The following IGFL2 variants were observed in gnomAD, a reference collection of about 807,000 sequenced individuals.
IGFL2 encodes the protein IGF like family member 2.
Under a neutral mutation model 13.9 loss-of-function variants are expected in IGFL2, and 7 were observed. The observed-to-expected ratio is 0.51, with a 90% confidence interval of 0.29 to 0.95. The LOEUF is 0.95. IGFL2 is among the 40% of genes least tolerant of loss of function. The pLI, the probability that IGFL2 is intolerant of heterozygous loss-of-function variation, is 0.08. For synonymous variants in IGFL2, 55 were observed against 55.8 expected (o/e 0.99, Z 0.07); for missense variants, 138 against 147.8 (o/e 0.93, Z 0.34).
chr19:46,145,687 T>G (rs1404121775), upstream of IGFL2, among the ~76,000 whole-genome samples: 1 of 151,820 alleles, frequency 6.6e-6, no homozygotes, highest in Non-Finnish European at 1.5e-5. Flanking sequence ...CCAATTCTAG[T>G]AGATGGGAGA....
At chr19:46,112,021 A>G in the IGFL2 span, 1 of 152,222 alleles carries the variant, frequency 6.6e-6, no homozygotes, top group Non-Finnish European at 1.5e-5. Flanking sequence ...GCTTCATTAA[A>G]TAGTCCTGCA....
the IGFL2 span, among the ~76,000 whole-genome samples, chr19:46,201,605 C>G: frequency 6.6e-6 from 1 of 152,164 alleles, no homozygotes; most frequent in East Asian, 1.9e-4. Flanking sequence ...ACATGGCCCG[C>G]TATTATGTCT....
the IGFL2 span, among the ~76,000 whole-genome samples, chr19:46,117,609 G>T: frequency 6.6e-6 from 1 of 152,088 alleles, no homozygotes; most frequent in East Asian, 1.9e-4. Flanking sequence ...CTCTCAAGTA[G>T]CTGGGACTAC....
At chr19:46,151,880 C>G (rs1973516317) in intron 1 of IGFL2, among the ~76,000 whole-genome samples, 1 of 152,162 alleles carries the variant, frequency 6.6e-6, no homozygotes, top group Non-Finnish European at 1.5e-5. Context: ...CCACTGCACT[C>G]CAGCCTGGGT....
At chr19:46,195,315 T>A in the IGFL2 span, among the ~76,000 whole-genome samples, 1 of 152,112 alleles carries the variant, frequency 6.6e-6, no homozygotes, top group African/African-American at 2.4e-5. Flanking sequence ...GTCCACCCAG[T>A]GGTGCCCTGT....
chr19:46,124,165 A>G, the IGFL2 span: 2 of 1,610,178 alleles, frequency 1.2e-6, no homozygotes, highest in East Asian at 4.5e-5. Context: ...GTCTGGGGGC[A>G]GACATTGATG....
At chr19:46,108,501 T>C in the IGFL2 span, among the ~76,000 whole-genome samples, 1 of 152,070 alleles carries the variant, frequency 6.6e-6, no homozygotes, top group Non-Finnish European at 1.5e-5. Flanking sequence ...AGGTTTTAAG[T>C]TCTTAAGAAC....
the IGFL2 span, among the ~76,000 whole-genome samples, chr19:46,104,911 G>A: frequency 6.6e-6 from 1 of 152,300 alleles, no homozygotes; most frequent in African/African-American, 2.4e-5. Flanking sequence ...AGAACCATTT[G>A]CCTTGTGTGA....
chr19:46,173,760 C>G, the IGFL2 span: 2 of 152,212 alleles, frequency 1.3e-5, no homozygotes, highest in Non-Finnish European at 2.9e-5. Flanking sequence ...TTGGAGGGGA[C>G]ACACATCCAA....
the IGFL2 span, chr19:46,124,751 G>A: frequency 5.0e-6 from 5 of 999,714 alleles, 1 homozygote; most frequent in African/African-American, 6.5e-5. Context: ...TAAGTTTACT[G>A]ATTGGATGGC....
chr19:46,097,505 A>C, the IGFL2 span, among the ~76,000 whole-genome samples: 1 of 151,698 alleles, frequency 6.6e-6, no homozygotes, highest in Non-Finnish European at 1.5e-5. Context: ...TTGTGTCTCT[A>C]TCTCCTTCAG....
chr19:46,210,574 C>T, the IGFL2 span, among the ~76,000 whole-genome samples: 2 of 152,120 alleles, frequency 1.3e-5, no homozygotes, highest in African/African-American at 2.4e-5. Flanking sequence ...AGCTGAAGAA[C>T]GTGGAGTCTG....
the IGFL2 span, among the ~76,000 whole-genome samples, chr19:46,100,256 G>A: frequency 1.3e-5 from 2 of 152,098 alleles, no homozygotes; most frequent in African/African-American, 4.8e-5. Context: ...ATATGAGTTT[G>A]TCTAGTTTCA....
At chr19:46,084,595 CT>C in the IGFL2 span, among the ~76,000 whole-genome samples, 2 of 152,212 alleles carry the variant, frequency 1.3e-5, no homozygotes, top group African/African-American at 4.8e-5. Flanking sequence ...ACATCTGCTT[CT>C]GAGGAGGCCT....
the IGFL2 span, chr19:46,124,448 G>C: frequency 1.7e-6 from 2 of 1,202,432 alleles, no homozygotes; most frequent in Non-Finnish European, 2.4e-6. Context: ...GGCTAAGTCT[G>C]TATGGGATCC....
At chr19:46,176,132 C>T in the IGFL2 span, among the ~76,000 whole-genome samples, 18 of 142,942 alleles carry the variant, frequency 1.3e-4, no homozygotes, top group Admixed American at 8.1e-4. Flanking sequence ...GGATTACAGG[C>T]GTGAGCCACC....
At chr19:46,205,987 T>G in the IGFL2 span, among the ~76,000 whole-genome samples, 4 of 152,202 alleles carry the variant, frequency 2.6e-5, no homozygotes, top group South Asian at 8.3e-4. Context: ...GCTGACAATA[T>G]CCAAAAATCT....
At chr19:46,191,639 T>C in the IGFL2 span, among the ~76,000 whole-genome samples, 1 of 152,082 alleles carries the variant, frequency 6.6e-6, no homozygotes, top group Non-Finnish European at 1.5e-5. Flanking sequence ...TTCTCTCTCC[T>C]TTTTTTCTCC....
At chr19:46,082,021 C>G in the IGFL2 span, among the ~76,000 whole-genome samples, 2,224 of 152,300 alleles carry the variant, frequency 0.015, 61 homozygotes, top group African/African-American at 0.05. Flanking sequence ...TCCTCACTTT[C>G]ATTTTGAAGG....
Sources: allele counts gnomAD v4.1 joint callset (sites outside exome capture counted in the v4.1 genomes callset), GRCh38; gene constraint gnomAD v4.1.1; transcripts MANE v1.5; gene names NCBI Gene and HGNC (gene_info 2026-07-23, HGNC 2026-07-21).